The following NRG3 variants were observed in gnomAD, a reference collection of about 807,000 sequenced individuals.
NRG3 encodes the protein neuregulin 3.
A neutral mutation model predicts 66.9 loss-of-function variants in NRG3; 31 were observed. The observed-to-expected ratio is 0.46, with a 90% CI of 0.35 to 0.63. The LOEUF (loss-of-function observed/expected upper bound fraction) is 0.63. NRG3 is among the 20% of genes least tolerant of loss of function. The probability of loss-of-function intolerance (pLI) is 0.00; values close to 1 mark genes in which losing one functional copy is unlikely to be tolerated. For missense variants in NRG3, 910 were observed against 878.9 expected, an observed-to-expected ratio of 1.04 and a Z score of -0.45; for synonymous variants, 393 against 359.4, an observed-to-expected ratio of 1.09 and a Z score of -1.06.
At chr10:82,957,688 G>C (rs1044767399) in intron 5 of NRG3, among the ~76,000 whole-genome samples, 4 of 151,472 alleles carry the variant, frequency 2.6e-5, no homozygotes, top group Non-Finnish European at 4.4e-5. Flanking sequence ...TCCACCCTTG[G>C]ACTGGCACCA....
At chr10:81,994,945 T>C (rs1227449016) in intron 1 of NRG3, among the ~76,000 whole-genome samples, 1 of 152,142 alleles carries the variant, frequency 6.6e-6, no homozygotes, top group Non-Finnish European at 1.5e-5. Flanking sequence ...TTATTTTTCA[T>C]TTTTTTCTAT....
intron 1 of NRG3, among the ~76,000 whole-genome samples, chr10:82,256,410 T>C (rs967858066): frequency 2.1e-4 from 32 of 152,154 alleles, no homozygotes; most frequent in Admixed American, 2.1e-3. Context: ...CTCCACAAAG[T>C]CAGGAAGCTC....
At chr10:81,931,666 A>G (rs373421799) in intron 1 of NRG3, among the ~76,000 whole-genome samples, 1 of 152,136 alleles carries the variant, frequency 6.6e-6, no homozygotes, top group South Asian at 2.1e-4. Flanking sequence ...TCTTTTTACT[A>G]TTCATTCTCT....
intron 1 of NRG3, among the ~76,000 whole-genome samples, chr10:82,215,649 C>T (rs2075626896): frequency 6.6e-6 from 1 of 150,872 alleles, no homozygotes. Flanking sequence ...ATTTGCTTTC[C>T]AGTATTATAC....
chr10:81,947,117 C>T (rs1029579957), intron 1 of NRG3, among the ~76,000 whole-genome samples: 2 of 152,094 alleles, frequency 1.3e-5, no homozygotes, highest in Admixed American at 1.3e-4. Flanking sequence ...CTTCTGGTAG[C>T]CTCAGCCAGT....
chr10:82,748,286 T>A (rs77877159), intron 3 of NRG3, among the ~76,000 whole-genome samples: 32 of 151,684 alleles, frequency 2.1e-4, no homozygotes, highest in Non-Finnish European at 3.4e-4. Flanking sequence ...AACCAATATA[T>A]GATATTAAAT....
At chr10:82,633,613 A>G (rs1372677517) in intron 2 of NRG3, among the ~76,000 whole-genome samples, 1 of 152,180 alleles carries the variant, frequency 6.6e-6, no homozygotes, top group Non-Finnish European at 1.5e-5. Context: ...CCAGGAGTCA[A>G]GATGTCCAAG....
chr10:82,298,624 G>T (rs1564764853), intron 1 of NRG3, among the ~76,000 whole-genome samples: 2 of 151,962 alleles, frequency 1.3e-5, no homozygotes, highest in Non-Finnish European at 2.9e-5. Flanking sequence ...GTCATCATTA[G>T]ATTATGCAAA....
chr10:82,718,461 A>G (rs537213713), intron 2 of NRG3, among the ~76,000 whole-genome samples: 8 of 152,324 alleles, frequency 5.3e-5, no homozygotes. Flanking sequence ...TACTATATAA[A>G]TTGACATCTG....
chr10:82,788,287 A>G (rs1248808941), intron 3 of NRG3, among the ~76,000 whole-genome samples: 1 of 152,168 alleles, frequency 6.6e-6, no homozygotes, highest in Non-Finnish European at 1.5e-5. Flanking sequence ...AAGGTAAGAA[A>G]CTACCGGAGC....
At chr10:82,945,749 G>T (rs78867876) in intron 4 of NRG3, among the ~76,000 whole-genome samples, 2 of 152,060 alleles carry the variant, frequency 1.3e-5, no homozygotes, top group African/African-American at 4.8e-5. Flanking sequence ...ACCTCATAAA[G>T]GCCCCACTTC....
chr10:82,209,403 A>G (rs2075288130), intron 1 of NRG3, among the ~76,000 whole-genome samples: 1 of 152,198 alleles, frequency 6.6e-6, no homozygotes, highest in Non-Finnish European at 1.5e-5. Flanking sequence ...ATCTTGTCCA[A>G]TTAAATTCGT....
chr10:82,777,915 G>A (rs528624069), intron 3 of NRG3, among the ~76,000 whole-genome samples: 1 of 152,332 alleles, frequency 6.6e-6, no homozygotes, highest in Non-Finnish European at 1.5e-5. Flanking sequence ...ATTGCCCATG[G>A]AGGTGAGATG....
intron 3 of NRG3, among the ~76,000 whole-genome samples, chr10:82,772,294 T>C (rs1270156229): frequency 1.4e-5 from 2 of 146,016 alleles, no homozygotes; most frequent in South Asian, 2.3e-4. Context: ...AGAAAACATA[T>C]AGTTACTTTT....
At chr10:82,503,823 C>T (rs1351204724) in intron 2 of NRG3, among the ~76,000 whole-genome samples, 1 of 152,140 alleles carries the variant, frequency 6.6e-6, no homozygotes, top group Non-Finnish European at 1.5e-5. Flanking sequence ...GAGACCAGTG[C>T]TTTCATTTGC....
chr10:82,586,272 G>T (rs1640576774), intron 2 of NRG3, among the ~76,000 whole-genome samples: 1 of 150,126 alleles, frequency 6.7e-6, no homozygotes, highest in East Asian at 2.0e-4. Flanking sequence ...ACGAAACAAA[G>T]CTAAACTGAG....
intron 2 of NRG3, among the ~76,000 whole-genome samples, chr10:82,402,272 T>G (rs575497715): frequency 6.6e-6 from 1 of 152,166 alleles, no homozygotes; most frequent in East Asian, 1.9e-4. Context: ...ATTCCCCAAA[T>G]AGAATGTCAC....
At chr10:82,750,512 A>G (rs1331107455) in intron 3 of NRG3, among the ~76,000 whole-genome samples, 4 of 152,138 alleles carry the variant, frequency 2.6e-5, no homozygotes, top group Non-Finnish European at 5.9e-5. Context: ...TAAGAGAAAC[A>G]TCTCCTTAGG....
chr10:82,052,024 G>T (rs1171041428), intron 1 of NRG3, among the ~76,000 whole-genome samples: 2 of 131,460 alleles, frequency 1.5e-5, no homozygotes, highest in South Asian at 3.0e-4. Flanking sequence ...GCCACATACC[G>T]CATTAGATTT....
Sources: gnomAD v4.1 joint callset for allele counts (sites outside exome capture counted in the v4.1 genomes callset) on GRCh38, gnomAD v4.1.1 for gene constraint, MANE v1.5 for transcripts, NCBI Gene and HGNC (gene_info 2026-07-23, HGNC 2026-07-21) for gene names.